INTS13: variants seen among roughly 807,000 people sequenced by gnomAD.
INTS13 encodes the protein integrator complex subunit 13.
A neutral mutation model predicts 90.2 loss-of-function variants in INTS13; 35 were observed. The observed-to-expected ratio is 0.39, with a 90% CI of 0.30 to 0.51. The LOEUF (loss-of-function observed/expected upper bound fraction) is 0.51. Ranked by LOEUF, INTS13 falls within the 20% of genes least tolerant of loss-of-function variation. INTS13 has a pLI of 0.80. For synonymous variants in INTS13, 309 were observed against 277.1 expected (o/e 1.11, Z -1.14); for missense variants, 601 against 851.2 (o/e 0.71, Z 3.66).
chr12:26,924,166 T>A (rs566122461), intron 7 of INTS13, among the ~76,000 whole-genome samples, 189 bp downstream of exon 7: 14 of 152,280 alleles, frequency 9.2e-5, no homozygotes, highest in Non-Finnish European at 1.8e-4. Context: ...TTTATTTATT[T>A]TTTTAATATT....
At chr12:26,925,303 A>G (rs1039050025) in intron 6 of INTS13, among the ~76,000 whole-genome samples, 1 of 152,156 alleles carries the variant, frequency 6.6e-6, no homozygotes, top group African/African-American at 2.4e-5. Flanking sequence ...GACAATCAAC[A>G]GGATCATCTA....
At chr12:26,912,146 T>C (rs1334212684) in intron 14 of INTS13, among the ~76,000 whole-genome samples, 2 of 152,202 alleles carry the variant, frequency 1.3e-5, no homozygotes, top group African/African-American at 4.8e-5. Flanking sequence ...TAAAAAGATG[T>C]GTTTTTCGTC....
At chr12:26,906,497 T>A in intron 15 of INTS13, 60 bp from the exon 16 acceptor site, 1 of 1,502,562 alleles carries the variant, frequency 6.7e-7, no homozygotes, top group Non-Finnish European at 9.0e-7. Flanking sequence ...TATTTCCAAA[T>A]TTCCAAATTT....
chr12:26,935,318 G>C (rs1938403265), intron 2 of INTS13, among the ~76,000 whole-genome samples: 1 of 152,170 alleles, frequency 6.6e-6, no homozygotes, highest in Non-Finnish European at 1.5e-5. Flanking sequence ...ATCAAATGAT[G>C]ATTCTGACCC....
At chr12:26,936,953 C>CAA (rs772408003) in intron 1 of INTS13, 139 bp from the exon 2 acceptor site, 7 of 636,620 alleles carry the variant, frequency 1.1e-5, no homozygotes, top group Non-Finnish European at 1.9e-5. Context: ...ATCTGTCCGA[C>CAA]AAAGGACAGT....
chr12:26,932,187 TCAA>T (rs1274215872), intron 3 of INTS13, among the ~76,000 whole-genome samples: 1 of 150,264 alleles, frequency 6.7e-6, no homozygotes, highest in Non-Finnish European at 1.5e-5. Context: ...AAGATAGACA[TCAA>T]CAAGAATATA....
At chr12:26,927,037 T>C (rs1272545168) in intron 5 of INTS13, among the ~76,000 whole-genome samples, 1 of 152,234 alleles carries the variant, frequency 6.6e-6, no homozygotes, top group Admixed American at 6.5e-5. Context: ...ATCCATGTGC[T>C]GGGAGGGTGG....
intron 5 of INTS13, among the ~76,000 whole-genome samples, chr12:26,926,652 G>A (rs567024999): frequency 6.6e-6 from 1 of 152,162 alleles, no homozygotes; most frequent in Non-Finnish European, 1.5e-5. Flanking sequence ...ATGCTTCCTG[G>A]CACAGAGCTC....
intron 6 of INTS13, among the ~76,000 whole-genome samples, chr12:26,924,914 C>G (rs576469722): frequency 6.6e-6 from 1 of 152,012 alleles, no homozygotes; most frequent in African/African-American, 2.4e-5. Context: ...ATGTGGAAAT[C>G]GCCACAAAAA....
intron 8 of INTS13, among the ~76,000 whole-genome samples, chr12:26,921,416 A>G (rs1952115666): frequency 2.0e-5 from 3 of 152,232 alleles, no homozygotes. Flanking sequence ...AATGAGTTTG[A>G]GAAAGCCATG....
chr12:26,922,600 T>A lies in INTS13; in HGVS notation c.889+16A>T. On this transcript the variant is annotated intron_variant, in intron 8 of 16. Coordinates refer to ENST00000261191, the MANE Select transcript of INTS13 (RefSeq NM_018164.3). ...ATGTTAGATCATACAAAATAATACT[T>A]TCAAATGTCTCTTACCACTTTTCAG... 1 of 1,567,018 alleles carries A rather than the reference T, an allele frequency of 6.4e-7. No homozygotes were observed. Among genetic ancestry groups the A allele is most frequent in the Non-Finnish European group, 8.7e-7 (1 of 1,150,146 alleles).
chr12:26,913,466 T>C lies in INTS13; in HGVS notation c.1796A>G (p.Asp599Gly). The change falls in exon 14 of 17, where the codon GAC (aspartate) becomes GGC (glycine). Residue 599 changes from aspartate to glycine, a missense_variant. Physicochemically the swap from Asp to Gly is moderately conservative, Grantham distance 94. Transcript: ENST00000261191. ...KDYEQEKSWQ[D>G]SERLKGILER... The stretch of plus-strand genomic sequence containing the variant: ...AATGCCAGGAAGTCACCTCTCTGAG[T>C]CTTGCCAAGACTTTTCCTGTTCATA... 1 of 1,614,014 alleles carries C rather than the reference T, an allele frequency of 6.2e-7. No homozygotes were observed. Among genetic ancestry groups the C allele is most frequent in the Non-Finnish European group, 8.5e-7 (1 of 1,179,942 alleles).
intron 3 of INTS13, among the ~76,000 whole-genome samples, 172 bp downstream of exon 3, chr12:26,934,384 G>C (rs181690007): frequency 3.0e-4 from 45 of 152,278 alleles, no homozygotes; most frequent in Non-Finnish European, 5.6e-4. Flanking sequence ...AGTTTGCTTG[G>C]GGGTGCTGGG....
chr12:26,914,613 A>AG, intron 11 of INTS13, 35 bp from the exon 12 acceptor site: 6 of 1,500,892 alleles, frequency 4.0e-6, no homozygotes, highest in Non-Finnish European at 5.5e-6. Flanking sequence ...ATTAGAAACT[A>AG]TGTCTAATGT....
chr12:26,919,357 T>C (rs570434735), intron 8 of INTS13, among the ~76,000 whole-genome samples: 79 of 151,950 alleles, frequency 5.2e-4, no homozygotes, highest in Non-Finnish European at 8.1e-4. Context: ...GGCCAGACAA[T>C]GAAGGGCCTT....
chr12:26,928,229 T>C lies in INTS13; in HGVS notation c.560A>G (p.Asn187Ser), dbSNP rs1472882543. Reference sequence around the variant, plus strand: ...CTGATCTGAATTTGCAGCAAGCTTGTTATGTTCATGAATCGTTTCCTGGAC... The same window carrying C: ...CTGATCTGAATTTGCAGCAAGCTTGCTATGTTCATGAATCGTTTCCTGGAC... ...DCVQETIHEH[N>S]KLAANSDHLM... Residue 187 changes from asparagine to serine, a missense_variant, in exon 5 of 17, where the codon AAC (asparagine) becomes AGC (serine). Coordinates refer to ENST00000261191, the MANE Select transcript of INTS13 (RefSeq NM_018164.3). 3.1e-6 allele frequency: 5 copies of C among 1,610,468 alleles called. No individual in the cohort carries two copies. The South Asian group carries it at 5.5e-5, about 18-fold the overall frequency.
intron 2 of INTS13, among the ~76,000 whole-genome samples, chr12:26,934,875 G>A (rs1938380078): frequency 6.6e-6 from 1 of 152,150 alleles, no homozygotes; most frequent in African/African-American, 2.4e-5. Context: ...GAGTCTACTA[G>A]GACAGAAGGC....
At chr12:26,912,247 G>GC (rs1377596131) in intron 14 of INTS13, among the ~76,000 whole-genome samples, 1 of 152,058 alleles carries the variant, frequency 6.6e-6, no homozygotes, top group Non-Finnish European at 1.5e-5. Context: ...ACCAGCCTGG[G>GC]CAACATGGTG....
chr12:26,914,652 T>C (rs995715473), intron 11 of INTS13, 74 bp from the exon 12 acceptor site: 1 of 1,229,420 alleles, frequency 8.1e-7, no homozygotes, highest in East Asian at 2.5e-5. Context: ...TACTAGTCTG[T>C]TTCCCTGATG....
Sources: gnomAD v4.1 joint callset for allele counts (sites outside exome capture counted in the v4.1 genomes callset) on GRCh38, gnomAD v4.1.1 for gene constraint, MANE v1.5 for transcripts, NCBI Gene and HGNC (gene_info 2026-07-23, HGNC 2026-07-21) for gene names.